Variants in RIPK1 observed in about 807,000 individuals in gnomAD.
RIPK1 encodes the protein receptor interacting serine/threonine kinase 1.
Under a neutral mutation model 62.4 loss-of-function variants are expected in RIPK1, and 27 were observed. The observed-to-expected ratio is 0.43, with a 90% CI of 0.32 to 0.60. The LOEUF is 0.60. RIPK1 is among the 20% of genes least tolerant of loss of function. The pLI, the probability that RIPK1 is intolerant of heterozygous loss-of-function variation, is 0.07. For synonymous variants in RIPK1, 287 were observed against 303.2 expected (o/e 0.95, Z 0.55); for missense variants, 735 against 831.0 (o/e 0.88, Z 1.42).
At chr6:3,082,621 G>A (rs568424330) in intron 4 of RIPK1, among the ~76,000 whole-genome samples, 1 of 152,106 alleles carries the variant, frequency 6.6e-6, no homozygotes, top group Admixed American at 6.5e-5. Context: ...TTGGACACTT[G>A]CATCCATGGG....
chr6:3,098,422 A>G (rs1484021708), intron 7 of RIPK1, among the ~76,000 whole-genome samples: 2 of 152,206 alleles, frequency 1.3e-5, no homozygotes, highest in African/African-American at 4.8e-5. Flanking sequence ...CCACAATAAG[A>G]TAATATGTGT....
At chr6:3,090,303 C>G (rs1313610181) in intron 7 of RIPK1, among the ~76,000 whole-genome samples, 1 of 152,092 alleles carries the variant, frequency 6.6e-6, no homozygotes, top group Non-Finnish European at 1.5e-5. Flanking sequence ...CGCCCCCCTG[C>G]CAACTCTGGA....
chr6:3,065,264 C>CAAAAAAA (rs57722248), upstream of RIPK1, among the ~76,000 whole-genome samples: 25 of 40,618 alleles, frequency 6.2e-4, 1 homozygote, highest in African/African-American at 2.8e-3. Flanking sequence ...GACTCCGTCT[C>CAAAAAAA]AAAAAAAAAA....
At chr6:3,087,817 T>C (rs17548423) in intron 6 of RIPK1, among the ~76,000 whole-genome samples, 9,611 of 152,020 alleles carry the variant, frequency 0.063, 925 homozygotes, top group African/African-American at 0.21. Flanking sequence ...GGATTACAGG[T>C]GTGAGCCACT....
intron 1 of RIPK1, chr6:3,068,973 T>G (rs942240825): frequency 6.6e-6 from 1 of 151,748 alleles, no homozygotes; most frequent in Non-Finnish European, 1.5e-5. Context: ...AGTCGGGCGG[T>G]GGGCGGGGCC....
At chr6:3,080,253 A>G (rs546194893) in intron 3 of RIPK1, among the ~76,000 whole-genome samples, 5 of 152,326 alleles carry the variant, frequency 3.3e-5, no homozygotes, top group South Asian at 4.1e-4. Flanking sequence ...TTGTTTGTAT[A>G]CTGATTTTTT....
chr6:3,080,488 A>C (rs1759317963), intron 3 of RIPK1, among the ~76,000 whole-genome samples: 1 of 152,220 alleles, frequency 6.6e-6, no homozygotes, highest in Non-Finnish European at 1.5e-5. Flanking sequence ...AATCAGTGTG[A>C]ACATGTTCCC....
At chr6:3,082,842 A>G (rs1759468759) in intron 4 of RIPK1, among the ~76,000 whole-genome samples, 1 of 152,230 alleles carries the variant, frequency 6.6e-6, no homozygotes, top group South Asian at 2.1e-4. Context: ...CCCTTACTGC[A>G]TAAGGAATAC....
intron 1 of RIPK1, among the ~76,000 whole-genome samples, chr6:3,076,493 TC>T (rs1447604830): frequency 1.3e-5 from 2 of 151,308 alleles, no homozygotes; most frequent in Admixed American, 6.6e-5. Flanking sequence ...CATAGTGAGA[TC>T]CCCCGGCCCC....
At chr6:3,076,199 T>C (rs1017923556) in intron 1 of RIPK1, among the ~76,000 whole-genome samples, 1 of 152,188 alleles carries the variant, frequency 6.6e-6, no homozygotes, top group African/African-American at 2.4e-5. Context: ...TGGAGGGTTC[T>C]TAAAATTTTC....
At chr6:3,094,839 A>T (rs1482613352) in intron 7 of RIPK1, among the ~76,000 whole-genome samples, 2 of 152,166 alleles carry the variant, frequency 1.3e-5, no homozygotes, top group Non-Finnish European at 2.9e-5. Flanking sequence ...GGGTGAGAGG[A>T]TCGTTTGAGG....
chr6:3,096,963 C>A (rs6596949), intron 7 of RIPK1, among the ~76,000 whole-genome samples: 10,296 of 151,970 alleles, frequency 0.068, 1,179 homozygotes, highest in African/African-American at 0.24. Context: ...CTCTGCCTCC[C>A]GCGTTCAAGC....
intron 6 of RIPK1, among the ~76,000 whole-genome samples, chr6:3,086,178 G>A (rs111574782): frequency 3.9e-5 from 6 of 152,270 alleles, no homozygotes; most frequent in African/African-American, 7.2e-5. Flanking sequence ...GATGTACCAC[G>A]GTTTGGTTAA....
intron 10 of RIPK1, among the ~76,000 whole-genome samples, chr6:3,111,702 CAGG>C (rs17513561): frequency 0.025 from 3,739 of 152,314 alleles, 86 homozygotes; most frequent in East Asian, 0.07. Flanking sequence ...ATTTGGCCCA[CAGG>C]CCATAGTTGG....
At chr6:3,111,503 G>A (rs1328059466) in intron 10 of RIPK1, among the ~76,000 whole-genome samples, 2 of 149,166 alleles carry the variant, frequency 1.3e-5, no homozygotes, top group African/African-American at 4.9e-5. Context: ...TTAACCATGG[G>A]ATTGGCGCTT....
chr6:3,113,743 G>A lies in RIPK1; in HGVS notation c.*404G>A, dbSNP rs1761282274. 1 of 158,048 alleles carries A rather than the reference G, an allele frequency of 6.3e-6. No homozygotes were observed. The highest frequency in any genetic ancestry group is 1.4e-5 in the Non-Finnish European group (1 of 71,978). The allele number at this position is 158,048 out of a possible 1,614,324, so 9.8% of individuals were successfully genotyped here. ...AGAAGAGATGTCTGAGGAAGGTCATGTTCTTTCAGCTTATGGCATTTCCTA... is the reference window on the plus strand; with the variant it reads ...AGAAGAGATGTCTGAGGAAGGTCATATTCTTTCAGCTTATGGCATTTCCTA... On this transcript the variant is annotated 3_prime_UTR_variant, in exon 11 of 11. Transcript: ENST00000259808. The surrounding 1 kb of genome is among the most constrained non-coding windows in gnomAD (Gnocchi z 5.0).
chr6:3,104,736 TG>T (rs1296612596), intron 8 of RIPK1, among the ~76,000 whole-genome samples: 3 of 152,210 alleles, frequency 2.0e-5, no homozygotes, highest in African/African-American at 7.2e-5. Context: ...CTTAGCTACC[TG>T]ATCTGTGGCT....
At chr6:3,102,045 T>G (rs1432370357) in intron 7 of RIPK1, among the ~76,000 whole-genome samples, 2 of 152,248 alleles carry the variant, frequency 1.3e-5, no homozygotes, top group Non-Finnish European at 2.9e-5. Flanking sequence ...GTATTTCCTT[T>G]GGAGTCTGGC....
In RIPK1 at chr6:3,105,359, G is replaced by C. The variant is rs1244724997; in HGVS notation, c.1007-123G>C. 10 of 732,544 alleles carry C rather than the reference G, an allele frequency of 1.4e-5. No individual in the cohort carries two copies. The highest frequency in any genetic ancestry group is 2.3e-5 in the Non-Finnish European group (10 of 433,356). 45.4% of individuals were successfully genotyped at this position (732,544 alleles called of 1,614,324 possible). A position where few individuals can be genotyped will look rare whatever the true frequency, so the allele number is the denominator to read the frequency against. On this transcript the variant is annotated intron_variant, in intron 8 of 10. Coordinates refer to ENST00000259808, the MANE Select transcript of RIPK1 (RefSeq NM_001354930.2). This position sits in a 1 kb window ranked among gnomAD's most constrained non-coding sequence, Gnocchi z 4.5. ...AGAGGACCATCTCCTAAATGCTTTG[G>C]ACTGGTCTCGTACTTGTTTTCTGTG... is the stretch of plus-strand genomic sequence containing the variant.
Sources: gnomAD v4.1 joint callset for allele counts (sites outside exome capture counted in the v4.1 genomes callset) on GRCh38, gnomAD v4.1.1 for gene constraint, Gnocchi (gnomAD v3.1) non-coding constraint, MANE v1.5 for transcripts, NCBI Gene and HGNC (gene_info 2026-07-23, HGNC 2026-07-21) for gene names.